Variants in ZNF23 observed in about 807,000 individuals in gnomAD.
The protein encoded by ZNF23 is zinc finger protein 23.
ZNF23 carries 48 observed loss-of-function variants against 56.2 expected under a neutral mutation model. The ratio of observed to expected loss-of-function variants is 0.85; its 90% CI spans 0.68 to 1.09. The LOEUF is 1.09. ZNF23 is among the 50% of genes least tolerant of loss of function. The pLI is 0.00. For missense variants in ZNF23, 805 were observed against 811.4 expected (o/e 0.99, Z 0.10); for synonymous variants, 266 against 283.3 (o/e 0.94, Z 0.61).
intron 4 of ZNF23, chr16:71,451,908 G>A (rs1159896417): frequency 1.3e-5 from 2 of 152,162 alleles, no homozygotes; most frequent in Non-Finnish European, 2.9e-5. Flanking sequence ...ATTTGACACA[G>A]TTACAGCAAA....
In ZNF23 at chr16:71,448,249, T is replaced by C; in HGVS notation, c.1905A>G (p.Glu635=). 1.2e-6 allele frequency: 2 copies of C among 1,614,232 alleles called. No individual in the cohort carries two copies. Among genetic ancestry groups the C allele is most frequent in the Non-Finnish European group, 1.7e-6 (2 of 1,180,034 alleles). ...HTGEKPFRCV[E]CGKGFSFSSD... ...AACTAAAGCTGAAGCCTTTGCCACA[T>C]TCCACACATCTGAAGGGTTTCTCCC... Residue 635 remains glutamate, a synonymous_variant, in exon 5 of 5, where the codon GAA becomes GAG. Transcript: ENST00000647773.
intron 3 of ZNF23, 195 bp downstream of exon 3, chr16:71,453,847 A>T: frequency 1.5e-6 from 1 of 647,702 alleles, no homozygotes; most frequent in East Asian, 2.7e-5. Context: ...ACCAGTTCCA[A>T]GCAAAGTCCT....
At chr16:71,450,640 A>G (rs1245657006) in intron 4 of ZNF23, 1 of 428,032 alleles carries the variant, frequency 2.3e-6, no homozygotes, top group East Asian at 8.2e-5. Context: ...AATTGCTCGA[A>G]CCCGGGAAAC....
At chr16:71,452,591 T>TA (rs2043094133) in intron 4 of ZNF23, 1 of 152,208 alleles carries the variant, frequency 6.6e-6, no homozygotes, top group Non-Finnish European at 1.5e-5. Flanking sequence ...AAGCAAAAAT[T>TA]AAGAGCACTT....
intron 1 of ZNF23, among the ~76,000 whole-genome samples, chr16:71,460,506 C>T (rs2043404430): frequency 6.6e-6 from 1 of 152,162 alleles, no homozygotes. Context: ...GTAATTCTAA[C>T]ACTATGTAAA....
At chr16:71,451,501 A>C (rs944262911) in intron 4 of ZNF23, 1 of 152,258 alleles carries the variant, frequency 6.6e-6, no homozygotes, top group Non-Finnish European at 1.5e-5. Flanking sequence ...CAGGAGGTTG[A>C]GCTATGGCAG....
rs867615321 is a variant in ZNF23, at chr16:71,448,841, G to A, written c.1313C>T (p.Thr438Ile). Residue 438 changes from threonine to isoleucine, a missense_variant, in exon 5 of 5, where the codon ACT becomes ATT. By Grantham distance (89) the Thr-to-Ile change is moderately conservative. Transcript: ENST00000647773. Reference protein sequence around the residue: ...IHTGEKPYECTECGKAFSVKG... With the variant: ...IHTGEKPYECIECGKAFSVKG... ...GACACTGAAGGCTTTTCCACATTCA[G>A]TGCATTCATAGGGTTTCTCACCTGT... 3 of 1,613,916 alleles carry A rather than the reference G, an allele frequency of 1.9e-6. No individual in the cohort carries two copies. Among genetic ancestry groups the A allele is most frequent in the South Asian group, 2.2e-5 (2 of 91,072 alleles).
In ZNF23 at chr16:71,448,466, G is replaced by A. The variant is rs1319869815; in HGVS notation, c.1688C>T (p.Thr563Ile). Residue 563 changes from threonine (T) to isoleucine (I), a missense_variant, in exon 5 of 5, where the codon ACT becomes ATT. Transcript: ENST00000647773. Reference protein sequence around the residue: ...GKAFSINAKLTRHQRIHTGEK... With the variant: ...GKAFSINAKLIRHQRIHTGEK... The stretch of plus-strand genomic sequence containing the variant: ...CCCAGTATGTATCCTCTGATGCCTA[G>A]TTAGTTTGGCATTGATACTGAAGGC... 2 of 1,614,036 alleles carry A rather than the reference G, an allele frequency of 1.2e-6. No homozygotes were observed. The highest frequency in any genetic ancestry group is 2.2e-5 in the East Asian group (1 of 44,884).
chr16:71,449,750 A>C lies in ZNF23; in HGVS notation c.404T>G (p.Val135Gly). The change falls in exon 5 of 5, where the codon GTC becomes GGC. Residue 135 changes from valine to glycine, a missense_variant. Coordinates refer to ENST00000647773, the MANE Select transcript of ZNF23 (RefSeq NM_001381984.1). Reference protein sequence around the residue: ...EASLLEKQQEVHSAGNIKKEK... With the variant: ...EASLLEKQQEGHSAGNIKKEK... ...CTTCTTTATATTTCCTGCTGAGTGG[A>C]CTTCCTGTTGTTTCTCTAGAAGAGA... is the stretch of plus-strand genomic sequence containing the variant. 1 of 1,614,066 alleles carries C rather than the reference A, an allele frequency of 6.2e-7. No homozygotes were observed. The highest frequency in any genetic ancestry group is 8.5e-7 in the Non-Finnish European group (1 of 1,180,024).
chr16:71,454,816 A>G (rs1448898366), intron 2 of ZNF23, among the ~76,000 whole-genome samples: 1 of 152,162 alleles, frequency 6.6e-6, no homozygotes, highest in Non-Finnish European at 1.5e-5. Flanking sequence ...TGTTTCTCCA[A>G]GAACATTTGG....
In ZNF23 at chr16:71,462,190, G is replaced by T. The variant is rs536184011; in HGVS notation, c.-33+20C>A. 3 of 152,342 alleles carry T rather than the reference G, an allele frequency of 2.0e-5. No homozygotes were observed. The highest frequency in any genetic ancestry group is 4.4e-5 in the Non-Finnish European group (3 of 68,142). The allele number at this position is 152,342 out of a possible 1,614,324, so 9.4% of individuals were successfully genotyped here. A position where few individuals can be genotyped will look rare whatever the true frequency, so the allele number is the denominator to read the frequency against. ...TGGGGGACAGGGCACGGCACACAGC[G>T]CCCGGAGCCCTGCACTCACCTCCGT... On this transcript the variant is annotated intron_variant, in intron 1 of 4. Coordinates refer to ENST00000647773, the MANE Select transcript of ZNF23 (RefSeq NM_001381984.1).
Position 71,448,439 on chromosome 16 carries a change from TC to T in ZNF23, c.1714del (p.Glu572ArgfsTer47). 1.9e-6 allele frequency: 3 copies of T among 1,614,242 alleles called. No individual in the cohort carries two copies. Among genetic ancestry groups the T allele is most frequent in the Non-Finnish European group, 2.5e-6 (3 of 1,180,038 alleles). ...LTRHQRIHTG[E>X]KPFKCMECEK... Reference sequence around the variant, plus strand: ...ACATTCCATACATTTGAAAGGTTTCTCCCCAGTATGTATCCTCTGATGCCTA... The same window carrying T: ...ACATTCCATACATTTGAAAGGTTTCTCCCAGTATGTATCCTCTGATGCCTA... On this transcript the variant is annotated frameshift_variant, in exon 5 of 5. Transcript: ENST00000647773. LOFTEE classifies it high-confidence loss of function.
chr16:71,449,950 G>T, intron 4 of ZNF23, 65 bp from the exon 5 acceptor site: 2 of 1,324,940 alleles, frequency 1.5e-6, no homozygotes, highest in Non-Finnish European at 2.0e-6. Context: ...AGAGAACTGT[G>T]CTATAAAAGA....
In ZNF23 at chr16:71,449,436, G is replaced by C. The variant is rs750937411; in HGVS notation, c.718C>G (p.Gln240Glu). Residue 240 changes from glutamine (Q) to glutamate (E), a missense_variant, in exon 5 of 5, where the codon CAG becomes GAG. By Grantham distance (29) the Gln-to-Glu change is conservative. Transcript: ENST00000647773. ...QENNTEEKPY[Q>E]CSECGKAFSI... is the part of the protein sequence containing the mutation. ...AAAGCTTTGCCACACTCCGAACACT[G>C]ATAAGGCTTTTCCTCAGTGTTGTTC... The C allele has an allele frequency of 1.4e-5, 23 of 1,614,196 alleles. No homozygotes were observed. In the South Asian group the frequency reaches 2.3e-4, roughly 16 times the overall value.
chr16:71,459,448 A>C (rs2043361596), intron 1 of ZNF23, among the ~76,000 whole-genome samples: 1 of 152,182 alleles, frequency 6.6e-6, no homozygotes. Context: ...TGCCCCTGTG[A>C]CCATATTCCT....
chr16:71,453,186 G>GGCTTTAGCCTAAAGT, intron 4 of ZNF23, 57 bp downstream of exon 4: 1 of 1,293,004 alleles, frequency 7.7e-7, no homozygotes, highest in Non-Finnish European at 1.1e-6. Flanking sequence ...TGCTAAAGCT[G>GGCTTTAGCCTAAAGT]GCTTTATGCC....
At position 71,448,572 on chromosome 16, in the gene ZNF23, A is replaced by T. The variant is rs1308575651; in HGVS notation, c.1582T>A (p.Phe528Ile). Residue 528 changes from phenylalanine to isoleucine, a missense_variant, in exon 5 of 5, where the codon TTT becomes ATT. Transcript: ENST00000647773. The stretch of plus-strand genomic sequence containing the variant: ...TCAAGTAGGTTTCTTTTAGAAGTAA[A>T]GCATCTCCCACACTCATTACATTCA... ...PFECNECGRCFTSKRNLLDHH... is the reference protein window; with the variant it reads ...PFECNECGRCITSKRNLLDHH... 2 of 1,613,940 alleles carry T rather than the reference A, an allele frequency of 1.2e-6. No individual in the cohort carries two copies. The highest frequency in any genetic ancestry group is 3.3e-5 in the Admixed American group (2 of 60,016).
chr16:71,455,408 G>A (rs2043193003), intron 2 of ZNF23, among the ~76,000 whole-genome samples: 1 of 152,066 alleles, frequency 6.6e-6, no homozygotes, highest in Admixed American at 6.5e-5. Flanking sequence ...CCAGGCTGAA[G>A]CGCAGTGGCA....
Position 71,449,879 on chromosome 16 carries a change from A to G in ZNF23, c.275T>C (p.Ile92Thr). The G allele has an allele frequency of 6.3e-7, 1 of 1,584,998 alleles. No homozygotes were observed. The highest frequency in any genetic ancestry group is 8.5e-7 in the Non-Finnish European group (1 of 1,170,464). Residue 92 changes from isoleucine (I) to threonine (T), a missense_variant, in exon 5 of 5, where the codon ATT becomes ACT. Transcript: ENST00000647773. ...CTTTGTCAAATCATTGTCAGTCTGA[A>G]TATCTACTATAAAAAACAGAAAACA... Reference protein sequence around the residue: ...TGLQGLQTVDIQTDNDLTKEM... With the variant: ...TGLQGLQTVDTQTDNDLTKEM...
Sources: gnomAD v4.1 joint callset for allele counts (sites outside exome capture counted in the v4.1 genomes callset) on GRCh38, gnomAD v4.1.1 for gene constraint, MANE v1.5 for transcripts, NCBI Gene and HGNC (gene_info 2026-07-23, HGNC 2026-07-21) for gene names.